SLC6A15: variants seen among roughly 807,000 people sequenced by gnomAD.
SLC6A15 encodes the protein sodium-dependent neutral amino acid transporter B(0)AT2.
Under a neutral mutation model 68.5 loss-of-function variants are expected in SLC6A15, and 33 were observed. The observed-to-expected ratio is 0.48, with a 90% confidence interval of 0.37 to 0.64. The LOEUF (loss-of-function observed/expected upper bound fraction) is 0.64, where lower values mean the gene tolerates loss of function less well. SLC6A15 is among the 30% of genes least tolerant of loss of function. The probability of loss-of-function intolerance (pLI) is 0.00; values close to 1 mark genes in which losing one functional copy is unlikely to be tolerated. For synonymous variants in SLC6A15, 347 were observed against 301.0 expected, an observed-to-expected ratio of 1.15 and a Z score of -1.58; for missense variants, 747 against 874.3, an observed-to-expected ratio of 0.85 and a Z score of 1.84.
At chr12:84,906,993 A>C (rs1262921621) in intron 1 of SLC6A15, among the ~76,000 whole-genome samples, 1 of 152,130 alleles carries the variant, frequency 6.6e-6, no homozygotes, top group Non-Finnish European at 1.5e-5. Flanking sequence ...AAAAGCTTAA[A>C]AATGGGAGAA....
chr12:84,901,143 A>T (rs1248748208), intron 1 of SLC6A15, among the ~76,000 whole-genome samples: 1 of 150,972 alleles, frequency 6.6e-6, no homozygotes, highest in East Asian at 1.9e-4. Context: ...CTTTGAAATG[A>T]TTTATCTTTT....
chr12:84,907,329 C>G (rs1873215222), intron 1 of SLC6A15, among the ~76,000 whole-genome samples: 1 of 150,748 alleles, frequency 6.6e-6, no homozygotes, highest in African/African-American at 2.4e-5. Flanking sequence ...GCCTGGGCCA[C>G]AGAGGGAGAC....
intron 4 of SLC6A15, among the ~76,000 whole-genome samples, chr12:84,884,618 A>C (rs1273151428): frequency 6.6e-6 from 1 of 151,992 alleles, no homozygotes; most frequent in East Asian, 1.9e-4. Context: ...TTATCAAAGT[A>C]ATTTAAACAA....
In SLC6A15 at chr12:84,912,734, T is replaced by A. The variant is rs953146678; in HGVS notation, c.-400A>T. On this transcript the variant is annotated 5_prime_UTR_variant, in exon 1 of 12. Transcript: ENST00000266682. ...GCAAGGAGAGACTCGTGAGCGCCTG[T>A]GTGTCTGCCAGGGAAACAGCACGGG... The A allele has an allele frequency of 6.5e-6, 1 of 152,784 alleles. No homozygotes were observed. Among genetic ancestry groups the A allele is most frequent in the Non-Finnish European group, 1.5e-5 (1 of 68,662 alleles). 9.5% of individuals were successfully genotyped at this position (152,784 alleles called of 1,614,324 possible). A position where few individuals can be genotyped will look rare whatever the true frequency, so the allele number is the denominator to read the frequency against.
At chr12:84,892,597 TTTTC>T (rs1329360917) in intron 1 of SLC6A15, among the ~76,000 whole-genome samples, 1 of 152,168 alleles carries the variant, frequency 6.6e-6, no homozygotes, top group African/African-American at 2.4e-5. Context: ...TTAGGACTCT[TTTTC>T]TTAATTCTTT....
At chr12:84,884,993 CTTTATAATA>C (rs1456724546) in intron 4 of SLC6A15, among the ~76,000 whole-genome samples, 1 of 151,600 alleles carries the variant, frequency 6.6e-6, no homozygotes, top group African/African-American at 2.4e-5. Flanking sequence ...GGTGACTGCT[CTTTATAATA>C]TTTATATTAT....
intron 9 of SLC6A15, among the ~76,000 whole-genome samples, chr12:84,870,011 G>A (rs1871218595): frequency 6.6e-6 from 1 of 151,730 alleles, no homozygotes; most frequent in Non-Finnish European, 1.5e-5. Flanking sequence ...TTCTCTACTT[G>A]GAGACATTAA....
At chr12:84,891,722 C>CA in intron 2 of SLC6A15, 110 bp downstream of exon 2, 1 of 1,163,946 alleles carries the variant, frequency 8.6e-7, no homozygotes, top group South Asian at 1.6e-5. Flanking sequence ...TCTAGCTTTA[C>CA]AATGAAATTG....
At position 84,876,477 on chromosome 12, in the gene SLC6A15, A is replaced by G. The variant is rs746913038; in HGVS notation, c.867+20T>C. The stretch of plus-strand genomic sequence containing the variant: ...AATGCTTTCATGATCATAAGCCTTA[A>G]ATAGAAATATGGTACATACCTTAGG... On this transcript the variant is annotated intron_variant, in intron 6 of 11. Transcript: ENST00000266682. 8.1e-7 allele frequency: 1 copy of G among 1,229,028 alleles called. No homozygotes were observed. 76.1% of individuals were successfully genotyped at this position (1,229,028 alleles called of 1,614,324 possible). A position where few individuals can be genotyped will look rare whatever the true frequency, so the allele number is the denominator to read the frequency against.
chr12:84,894,550 A>C (rs956971580), intron 1 of SLC6A15, among the ~76,000 whole-genome samples: 4 of 152,182 alleles, frequency 2.6e-5, no homozygotes, highest in African/African-American at 9.6e-5. Flanking sequence ...AACATTTTAC[A>C]AAGAAAAAAA....
At position 84,872,667 on chromosome 12, in the gene SLC6A15, C is replaced by A. The variant is rs767834823; in HGVS notation, c.1237G>T (p.Val413Leu). ...AGAGCAGGAAACTCTTCTTCTTTCA[C>A]TTTTTGAATGATGTCATAAACTAAA... Reference protein sequence around the residue: ...YHLVYDIIQKVKEEEFPALHL... With the variant: ...YHLVYDIIQKLKEEEFPALHL... The change falls in exon 8 of 12, where the codon GTG becomes TTG. Residue 413 changes from valine (V) to leucine (L), a missense_variant. Physicochemically the swap from Val to Leu is conservative, Grantham distance 32. Coordinates refer to ENST00000266682, the MANE Select transcript of SLC6A15 (RefSeq NM_182767.6). 1.9e-6 allele frequency: 3 copies of A among 1,611,878 alleles called. No homozygotes were observed. The Admixed American group carries it at 5.0e-5, about 27-fold the overall frequency.
At chr12:84,891,446 G>C (rs1274361891) in intron 2 of SLC6A15, among the ~76,000 whole-genome samples, 2 of 152,148 alleles carry the variant, frequency 1.3e-5, no homozygotes, top group African/African-American at 2.4e-5. Context: ...AAATCACGGA[G>C]AGAAAATTCT....
At chr12:84,891,713 C>G in intron 2 of SLC6A15, 119 bp downstream of exon 2, 1 of 1,103,850 alleles carries the variant, frequency 9.1e-7, no homozygotes, top group Non-Finnish European at 1.3e-6. Context: ...GTGGGTTTCT[C>G]TAGCTTTACA....
chr12:84,888,891 C>T (rs551664824), intron 2 of SLC6A15, among the ~76,000 whole-genome samples: 9 of 152,110 alleles, frequency 5.9e-5, no homozygotes, highest in Non-Finnish European at 7.4e-5. Flanking sequence ...CTTTTTTTGT[C>T]CCTGAAGCAA....
intron 2 of SLC6A15, among the ~76,000 whole-genome samples, chr12:84,886,535 T>C (rs1872110332): frequency 6.6e-6 from 1 of 151,748 alleles, no homozygotes; most frequent in Admixed American, 6.6e-5. Flanking sequence ...CGTTGACTTT[T>C]TTTTCCAAAT....
At chr12:84,876,289 A>G (rs1862511533) in intron 6 of SLC6A15, among the ~76,000 whole-genome samples, 1 of 152,120 alleles carries the variant, frequency 6.6e-6, no homozygotes, top group Non-Finnish European at 1.5e-5. Context: ...CTTACTCTAA[A>G]ATCAAAATGG....
At chr12:84,869,840 T>C (rs1395983161) in intron 9 of SLC6A15, among the ~76,000 whole-genome samples, 1 of 152,192 alleles carries the variant, frequency 6.6e-6, no homozygotes, top group Non-Finnish European at 1.5e-5. Flanking sequence ...GTTATTGTTT[T>C]TGGAGAAGAG....
chr12:84,903,647 T>C (rs763900854), intron 1 of SLC6A15, among the ~76,000 whole-genome samples: 60 of 152,094 alleles, frequency 3.9e-4, no homozygotes, highest in Non-Finnish European at 1.5e-4. Context: ...GTGGCCTCAT[T>C]ACTCCATTCT....
At position 84,875,794 on chromosome 12, in the gene SLC6A15, G is replaced by A. The variant is rs1480225099; in HGVS notation, c.867+703C>T. ...CCAGGTTAAGTGGGCCCACCGTTGA[G>A]TTTAGCTCTACAAAGTTGCATGATG... On this transcript the variant is annotated intron_variant, in intron 6 of 11. Coordinates refer to ENST00000266682, the MANE Select transcript of SLC6A15 (RefSeq NM_182767.6). Among the ~76,000 whole-genome samples the A allele has an allele frequency of 9.4e-5, 14 of 149,084 alleles. 1 individual carries two copies. Among genetic ancestry groups the A allele is most frequent in the African/African-American group, 3.4e-4 (14 of 40,818 alleles).
Sources: allele counts gnomAD v4.1 joint callset (sites outside exome capture counted in the v4.1 genomes callset), GRCh38; gene constraint gnomAD v4.1.1; transcripts MANE v1.5; gene names NCBI Gene and HGNC (gene_info 2026-07-23, HGNC 2026-07-21).